Variants in FRMD5 observed in about 807,000 individuals in gnomAD.
FRMD5 encodes the protein FERM domain containing 5, also known as FERM domain-containing protein 5.
FRMD5 carries 20 observed loss-of-function variants against 69.0 expected under a neutral mutation model. That is an observed-to-expected ratio of 0.29 (90% CI 0.20 to 0.42). The LOEUF is 0.42. Ranked by LOEUF, FRMD5 falls within the 10% of genes least tolerant of loss-of-function variation. The probability of loss-of-function intolerance (pLI) is 1.00; values close to 1 mark genes in which losing one functional copy is unlikely to be tolerated. For missense variants in FRMD5, 595 were observed against 708.6 expected (o/e 0.84, Z 1.82); for synonymous variants, 271 against 260.1 (o/e 1.04, Z -0.40).
intron 1 of FRMD5, among the ~76,000 whole-genome samples, chr15:44,106,640 CAAGTT>C (rs1240595977): frequency 1.3e-5 from 2 of 152,162 alleles, no homozygotes; most frequent in Non-Finnish European, 2.9e-5. Context: ...AACATAATCA[CAAGTT>C]AAGTATACTT....
chr15:43,937,300 A>G (rs2089777337), intron 1 of FRMD5, among the ~76,000 whole-genome samples: 1 of 152,170 alleles, frequency 6.6e-6, no homozygotes, highest in African/African-American at 2.4e-5. Flanking sequence ...CACAGGTCAG[A>G]TTCCTTAGAA....
chr15:44,006,236 G>A lies in FRMD5; in HGVS notation c.103-81927C>T, dbSNP rs143510092. Among the ~76,000 whole-genome samples, 159 of 152,224 alleles carry A rather than the reference G, an allele frequency of 1.0e-3. 2 individuals carry two copies. In the East Asian group the frequency reaches 0.011, roughly 10 times the overall value. On this transcript the variant is annotated intron_variant, in intron 1 of 13. Transcript: ENST00000417257. ...TGTGCTCTATAAATGAAACAACAAA[G>A]CATGGGTGACAGTACATCTGTTTAC...
chr15:43,885,082 A>G (rs916832973), intron 11 of FRMD5: 2 of 369,604 alleles, frequency 5.4e-6, no homozygotes, highest in African/African-American at 4.0e-5. Context: ...ACATCACAAA[A>G]AAACACATAA....
intron 2 of FRMD5, among the ~76,000 whole-genome samples, chr15:43,921,620 C>T (rs1369897298): frequency 6.6e-6 from 1 of 152,012 alleles, no homozygotes; most frequent in Non-Finnish European, 1.5e-5. Flanking sequence ...CTGACCAAAT[C>T]GGTCCCAGAT....
chr15:44,120,511 T>C (rs371668222), intron 1 of FRMD5, among the ~76,000 whole-genome samples: 33 of 150,102 alleles, frequency 2.2e-4, no homozygotes, highest in African/African-American at 8.1e-4. Flanking sequence ...TCCCCAAAAG[T>C]AGGGATTATT....
intron 1 of FRMD5, among the ~76,000 whole-genome samples, chr15:44,009,760 A>G (rs2140206446): frequency 6.6e-6 from 1 of 152,266 alleles, no homozygotes; most frequent in East Asian, 1.9e-4. Flanking sequence ...TCTAGGTACT[A>G]AGAGGAAAGG....
At chr15:44,137,809 A>G (rs2077209042) in intron 1 of FRMD5, among the ~76,000 whole-genome samples, 1 of 152,124 alleles carries the variant, frequency 6.6e-6, no homozygotes, top group African/African-American at 2.4e-5. Flanking sequence ...CAACTTCTGT[A>G]GGTCAATGAA....
intron 1 of FRMD5, among the ~76,000 whole-genome samples, chr15:44,134,902 C>T (rs970174316): frequency 2.0e-5 from 3 of 152,080 alleles, no homozygotes; most frequent in Middle Eastern, 3.2e-3. Context: ...GGCAAGATGC[C>T]TATGTGAGAA....
chr15:44,072,472 C>T (rs1301059151), intron 1 of FRMD5, among the ~76,000 whole-genome samples: 3 of 152,126 alleles, frequency 2.0e-5, no homozygotes, highest in Admixed American at 1.3e-4. Flanking sequence ...GCTAGACTAC[C>T]TTGCCCTCTC....
At chr15:43,959,981 G>A (rs2090171014) in intron 1 of FRMD5, among the ~76,000 whole-genome samples, 1 of 152,054 alleles carries the variant, frequency 6.6e-6, no homozygotes, top group African/African-American at 2.4e-5. Flanking sequence ...GCAATGGTGC[G>A]ATCTCGGCTC....
chr15:44,037,971 G>A (rs1337503501), intron 1 of FRMD5, among the ~76,000 whole-genome samples: 1 of 152,104 alleles, frequency 6.6e-6, no homozygotes, highest in Non-Finnish European at 1.5e-5. Flanking sequence ...GTTGTTTCCT[G>A]GCTTTTTAGT....
At chr15:43,907,557 G>C (rs928225416) in intron 5 of FRMD5, among the ~76,000 whole-genome samples, 1 of 150,672 alleles carries the variant, frequency 6.6e-6, no homozygotes, top group African/African-American at 2.4e-5. Context: ...ACAGAGTCTG[G>C]CTCTGTCACC....
At chr15:44,126,606 T>G (rs898185390) in intron 1 of FRMD5, among the ~76,000 whole-genome samples, 2 of 152,322 alleles carry the variant, frequency 1.3e-5, no homozygotes, top group Non-Finnish European at 2.9e-5. Context: ...AATTCCAATC[T>G]GAGTTTCACA....
chr15:44,099,043 T>C (rs747926760), intron 1 of FRMD5, among the ~76,000 whole-genome samples: 1 of 152,186 alleles, frequency 6.6e-6, no homozygotes, highest in Non-Finnish European at 1.5e-5. Flanking sequence ...GGCAACCTCA[T>C]CAGAAACTGT....
At chr15:44,063,101 C>T (rs1475672714) in intron 1 of FRMD5, among the ~76,000 whole-genome samples, 1 of 152,088 alleles carries the variant, frequency 6.6e-6, no homozygotes, top group African/African-American at 2.4e-5. Context: ...TTTCCATTTC[C>T]ACATGATTTC....
chr15:44,135,793 C>T lies in FRMD5; in HGVS notation c.102+59160G>A, dbSNP rs146076809. Among the ~76,000 whole-genome samples, 239 of 140,370 alleles carry T rather than the reference C, an allele frequency of 1.7e-3. 1 individual carries two copies. Among genetic ancestry groups the T allele is most frequent in the African/African-American group, 6.3e-3 (235 of 37,324 alleles). 92.1% of individuals were successfully genotyped at this position (140,370 alleles called of 152,430 possible). On this transcript the variant is annotated intron_variant, in intron 1 of 13. Transcript: ENST00000417257. ...TGAGCCGAGATCGCACTACTGACTCCAGCCTGGGAGACAGAGTGAGACTCT... is the reference window on the plus strand; with the variant it reads ...TGAGCCGAGATCGCACTACTGACTCTAGCCTGGGAGACAGAGTGAGACTCT...
chr15:44,087,395 G>A (rs962895843), intron 1 of FRMD5, among the ~76,000 whole-genome samples: 49 of 152,176 alleles, frequency 3.2e-4, no homozygotes, highest in Admixed American at 1.0e-3. Flanking sequence ...AAACTTAAGA[G>A]TAATGCAGTC....
intron 2 of FRMD5, 44 bp from the exon 3 acceptor site, chr15:43,919,853 C>G (rs1304059148): frequency 9.6e-6 from 15 of 1,559,962 alleles, no homozygotes; most frequent in Non-Finnish European, 1.3e-5. Context: ...ATGAGAAGGG[C>G]TGTAAAATAT....
chr15:44,158,667 A>C (rs911975509), intron 1 of FRMD5, among the ~76,000 whole-genome samples: 1 of 152,244 alleles, frequency 6.6e-6, no homozygotes, highest in Non-Finnish European at 1.5e-5. Context: ...ACAAATTTCC[A>C]TGAATACCTA....
Sources: allele counts gnomAD v4.1 joint callset (sites outside exome capture counted in the v4.1 genomes callset), GRCh38; gene constraint gnomAD v4.1.1; transcripts MANE v1.5; gene names NCBI Gene and HGNC (gene_info 2026-07-23, HGNC 2026-07-21).